Variants in SGCZ observed in about 807,000 individuals in gnomAD.
The protein encoded by SGCZ is sarcoglycan zeta, also known as zeta-sarcoglycan.
In SGCZ, 40 loss-of-function variants were observed where a neutral mutation model predicts 41.3. The observed-to-expected ratio is 0.97, with a 90% CI of 0.75 to 1.26. The LOEUF (loss-of-function observed/expected upper bound fraction) is 1.26, where lower values mean the gene tolerates loss of function less well. Among genes scored for constraint, SGCZ ranks in the 50% most tolerant of loss-of-function variants. The pLI, the probability that SGCZ is intolerant of heterozygous loss-of-function variation, is 0.00. For missense variants in SGCZ, 552 were observed against 369.8 expected, an observed-to-expected ratio of 1.49 and a Z score of -4.04; for synonymous variants, 206 against 137.5, an observed-to-expected ratio of 1.50 and a Z score of -3.49.
At chr8:14,144,179 A>T (rs1695335314) in intron 5 of SGCZ, among the ~76,000 whole-genome samples, 1 of 152,164 alleles carries the variant, frequency 6.6e-6, no homozygotes, top group African/African-American at 2.4e-5. Context: ...TACTGGCATC[A>T]TCCGTCCCAT....
intron 1 of SGCZ, among the ~76,000 whole-genome samples, chr8:14,982,799 G>A (rs1273747690): frequency 6.6e-6 from 1 of 152,134 alleles, no homozygotes; most frequent in Non-Finnish European, 1.5e-5. Context: ...TGACGATAAT[G>A]AATACAACAG....
chr8:14,849,616 G>C (rs1366517708), intron 1 of SGCZ, among the ~76,000 whole-genome samples: 1 of 152,130 alleles, frequency 6.6e-6, no homozygotes, highest in Non-Finnish European at 1.5e-5. Context: ...AAATGAAGCA[G>C]ATCAGGGCTT....
At chr8:14,464,779 T>A (rs556294370) in intron 2 of SGCZ, among the ~76,000 whole-genome samples, 2 of 151,784 alleles carry the variant, frequency 1.3e-5, no homozygotes, top group Admixed American at 6.6e-5. Context: ...TAAGTTTTGC[T>A]ATATTTCTAT....
intron 1 of SGCZ, among the ~76,000 whole-genome samples, chr8:14,632,026 T>C (rs1252146871): frequency 1.4e-5 from 2 of 141,008 alleles, no homozygotes; most frequent in Non-Finnish European, 3.1e-5. Context: ...TTATTTTATT[T>C]ATTTATTTGG....
chr8:14,948,925 T>C (rs1800541172), intron 1 of SGCZ, among the ~76,000 whole-genome samples: 1 of 151,932 alleles, frequency 6.6e-6, no homozygotes, highest in East Asian at 1.9e-4. Flanking sequence ...CCAGGATTTC[T>C]CCACTTTTTT....
chr8:14,913,276 T>G (rs1799330921), intron 1 of SGCZ, among the ~76,000 whole-genome samples: 1 of 152,054 alleles, frequency 6.6e-6, no homozygotes, highest in African/African-American at 2.4e-5. Context: ...ATGCAGATAA[T>G]GTGTAGAAAA....
intron 1 of SGCZ, among the ~76,000 whole-genome samples, chr8:15,163,122 T>C (rs1799562486): frequency 6.6e-6 from 1 of 152,218 alleles, no homozygotes; most frequent in South Asian, 2.1e-4. Context: ...TGCATGGGAT[T>C]CTGTACGTAA....
At chr8:14,944,673 G>A (rs117666260) in intron 1 of SGCZ, among the ~76,000 whole-genome samples, 4 of 152,150 alleles carry the variant, frequency 2.6e-5, no homozygotes, top group African/African-American at 9.7e-5. Context: ...TATATACTAT[G>A]TACATGGGCT....
chr8:15,112,683 G>C (rs1807115460), intron 1 of SGCZ, among the ~76,000 whole-genome samples: 1 of 152,148 alleles, frequency 6.6e-6, no homozygotes, highest in Non-Finnish European at 1.5e-5. Context: ...TAGCTCACTG[G>C]AGAAGAAATA....
chr8:14,828,133 G>C (rs995259191), intron 1 of SGCZ, among the ~76,000 whole-genome samples: 4 of 152,238 alleles, frequency 2.6e-5, no homozygotes, highest in Admixed American at 6.5e-5. Context: ...CAAATTTATG[G>C]TGAAGATTAA....
At chr8:14,970,574 G>A (rs1419081310) in intron 1 of SGCZ, among the ~76,000 whole-genome samples, 1 of 152,074 alleles carries the variant, frequency 6.6e-6, no homozygotes, top group East Asian at 1.9e-4. Context: ...TACCTTTGTA[G>A]AATTACCTTT....
At chr8:14,550,994 T>C (rs1427006407) in intron 2 of SGCZ, among the ~76,000 whole-genome samples, 4 of 152,012 alleles carry the variant, frequency 2.6e-5, no homozygotes, top group Non-Finnish European at 4.4e-5. Flanking sequence ...CCCCAATTTG[T>C]TTAATTAATC....
chr8:14,758,434 C>A (rs1799755934), intron 1 of SGCZ, among the ~76,000 whole-genome samples: 1 of 152,120 alleles, frequency 6.6e-6, no homozygotes, highest in Admixed American at 6.6e-5. Flanking sequence ...TCCCTCTCCT[C>A]CAATAATTTC....
chr8:14,401,973 T>C (rs549595586), intron 2 of SGCZ, among the ~76,000 whole-genome samples: 1,851 of 151,732 alleles, frequency 0.012, 45 homozygotes, highest in African/African-American at 0.042. Flanking sequence ...TTTTAATGAT[T>C]GCCATTCTAA....
chr8:14,978,861 C>T (rs917834294), intron 1 of SGCZ, among the ~76,000 whole-genome samples: 10 of 152,114 alleles, frequency 6.6e-5, no homozygotes, highest in Admixed American at 6.6e-4. Flanking sequence ...TGCAGTGGCA[C>T]GATCTCAGCT....
chr8:14,901,005 C>A (rs1314723379), intron 1 of SGCZ, among the ~76,000 whole-genome samples: 1 of 152,112 alleles, frequency 6.6e-6, no homozygotes, highest in East Asian at 1.9e-4. Context: ...GTTTGATAAT[C>A]AAATTTATTA....
chr8:14,847,623 T>C (rs978980921), intron 1 of SGCZ, among the ~76,000 whole-genome samples: 1 of 139,452 alleles, frequency 7.2e-6, no homozygotes, highest in African/African-American at 2.7e-5. Context: ...AATAACTTTA[T>C]AAAGAGGGAA....
intron 1 of SGCZ, chr8:14,879,900 G>C (rs1393094228): frequency 1.3e-5 from 2 of 152,084 alleles, no homozygotes; most frequent in Admixed American, 6.6e-5. Flanking sequence ...GAGTGCAGTG[G>C]CGTGTTCTCA....
chr8:15,213,860 C>A (rs533606998), intron 1 of SGCZ, among the ~76,000 whole-genome samples: 5 of 151,920 alleles, frequency 3.3e-5, no homozygotes, highest in African/African-American at 1.2e-4. Flanking sequence ...CCCATAGGAC[C>A]ATATTTCTCT....
Sources: allele counts gnomAD v4.1 joint callset (sites outside exome capture counted in the v4.1 genomes callset), GRCh38; gene constraint gnomAD v4.1.1; transcripts MANE v1.5; gene names NCBI Gene and HGNC (gene_info 2026-07-23, HGNC 2026-07-21).